Variants in TSPAN14 observed in about 807,000 individuals in gnomAD.
TSPAN14 encodes the protein tetraspanin 14.
Under a neutral mutation model 36.6 loss-of-function variants are expected in TSPAN14, and 16 were observed. The observed-to-expected ratio is 0.44, with a 90% CI of 0.30 to 0.66. The LOEUF (loss-of-function observed/expected upper bound fraction) is 0.66, where lower values mean the gene tolerates loss of function less well. TSPAN14 is among the 30% of genes least tolerant of loss of function. The pLI is 0.12. For missense variants in TSPAN14, 231 were observed against 355.1 expected (o/e 0.65, Z 2.81); for synonymous variants, 139 against 143.8 (o/e 0.97, Z 0.24).
intron 2 of TSPAN14, among the ~76,000 whole-genome samples, chr10:80,503,797 C>G (rs936180581): frequency 3.9e-5 from 6 of 152,046 alleles, no homozygotes; most frequent in African/African-American, 1.2e-4. Context: ...CACCGGTAGT[C>G]ATAGAGAAGC....
At chr10:80,497,686 G>C (rs1298240250) in intron 2 of TSPAN14, among the ~76,000 whole-genome samples, 1 of 152,196 alleles carries the variant, frequency 6.6e-6, no homozygotes, top group Non-Finnish European at 1.5e-5. Flanking sequence ...CCCTCCGCCT[G>C]CCTTCATTTC....
At chr10:80,487,235 C>T (rs1847658207) in intron 1 of TSPAN14, among the ~76,000 whole-genome samples, 1 of 151,924 alleles carries the variant, frequency 6.6e-6, no homozygotes, top group South Asian at 2.1e-4. Context: ...TGTAAGATCC[C>T]CAAGGGGACT....
intron 8 of TSPAN14, 109 bp downstream of exon 8, chr10:80,516,432 G>A: frequency 6.6e-7 from 1 of 1,505,090 alleles, no homozygotes; most frequent in Non-Finnish European, 9.0e-7. Flanking sequence ...AAGGAAGCTT[G>A]CAGAAGAAAA....
intron 1 of TSPAN14, among the ~76,000 whole-genome samples, chr10:80,482,449 G>A (rs966233960): frequency 6.6e-6 from 1 of 150,922 alleles, no homozygotes; most frequent in African/African-American, 2.5e-5. Flanking sequence ...ACCACGCCTG[G>A]CTAATTTTTT....
intron 5 of TSPAN14, among the ~76,000 whole-genome samples, chr10:80,511,371 T>TG (rs1198023524): frequency 6.6e-6 from 1 of 152,154 alleles, no homozygotes; most frequent in Non-Finnish European, 1.5e-5. Flanking sequence ...GGAATTCACT[T>TG]GCAAGTTTCT....
rs117412818 is a variant in TSPAN14 at position 80,464,307 on chromosome 10, G to A, written c.-18+9936G>A. On this transcript the variant is annotated intron_variant, in intron 1 of 8. Coordinates refer to ENST00000429989, the Ensembl canonical transcript of TSPAN14. ...TGGTTGCCACCCTGTGATTTTAAAA[G>A]CCTGTGTAAAAGGCACCTGGTGAAA... Among the ~76,000 whole-genome samples the A allele has an allele frequency of 2.6e-5, 4 of 152,342 alleles. No homozygotes were observed. In the East Asian group the frequency reaches 7.7e-4, roughly 29 times the overall value.
intron 1 of TSPAN14, among the ~76,000 whole-genome samples, chr10:80,480,287 C>T (rs1374817117): frequency 6.6e-6 from 1 of 151,966 alleles, no homozygotes; most frequent in Non-Finnish European, 1.5e-5. Flanking sequence ...CCCTTTATTT[C>T]CTTCTCCTGC....
At chr10:80,478,428 A>T (rs1054859369) in intron 1 of TSPAN14, among the ~76,000 whole-genome samples, 2 of 152,246 alleles carry the variant, frequency 1.3e-5, no homozygotes, top group Non-Finnish European at 2.9e-5. Context: ...ACAGAGAAGA[A>T]GGCAAGTGTC....
At position 80,509,724 on chromosome 10, in the gene TSPAN14, C is replaced by G. The variant is rs147450315; in HGVS notation, c.450+253C>G. On this transcript the variant is annotated intron_variant, in intron 5 of 8. Coordinates refer to ENST00000429989, the Ensembl canonical transcript of TSPAN14. The surrounding 1 kb of genome is among the most constrained non-coding windows in gnomAD (Gnocchi z 4.7). ...CAGCTGTACCCGAGGCCACCCACCC[C>G]CCACGTGCCCGGCCCTCCTCTTTCG... The G allele has an allele frequency of 3.6e-4, 175 of 485,042 alleles. No individual in the cohort carries two copies. The highest frequency in any genetic ancestry group is 1.2e-3 in the Admixed American group (32 of 26,488). The allele number at this position is 485,042 out of a possible 1,614,324, so 30.0% of individuals were successfully genotyped here. A position where few individuals can be genotyped will look rare whatever the true frequency, so the allele number is the denominator to read the frequency against.
At chr10:80,488,014 G>A (rs1847710923) in intron 1 of TSPAN14, among the ~76,000 whole-genome samples, 1 of 152,240 alleles carries the variant, frequency 6.6e-6, no homozygotes, top group Non-Finnish European at 1.5e-5. Flanking sequence ...GGTTTTGCAA[G>A]TAGCCACTCC....
intron 1 of TSPAN14, among the ~76,000 whole-genome samples, chr10:80,473,701 T>A (rs10607396): frequency 2.1e-5 from 3 of 142,652 alleles, no homozygotes; most frequent in South Asian, 2.3e-4. Flanking sequence ...TTTTTTTTTT[T>A]AAATTAAAGT....
chr10:80,497,308 G>C (rs1217103977), intron 2 of TSPAN14, among the ~76,000 whole-genome samples: 1 of 152,202 alleles, frequency 6.6e-6, no homozygotes, highest in African/African-American at 2.4e-5. Flanking sequence ...TTCCTCTCCA[G>C]GTCCAGATGG....
In TSPAN14 at chr10:80,511,711, C is replaced by CCTCTCTCTCT. The variant is rs56307745; in HGVS notation, c.451-381_451-372dup. Among the ~76,000 whole-genome samples the CCTCTCTCTCT allele has an allele frequency of 2.3e-4, 6 of 25,808 alleles. 1 individual carries two copies. The highest frequency in any genetic ancestry group is 3.2e-3 in the East Asian group (2 of 626). The allele number at this position is 25,808 out of a possible 152,430, so 16.9% of individuals were successfully genotyped here. A position where few individuals can be genotyped will look rare whatever the true frequency, so the allele number is the denominator to read the frequency against. ...TCTTTAACACATCAAAAGGGCAGGTCCTCTCTCTCTCTCTCTCTCTCTCTC... is the reference window on the plus strand; with the variant it reads ...TCTTTAACACATCAAAAGGGCAGGTCCTCTCTCTCTCTCTCTCTCTCTCTCTCTCTCTCTC... On this transcript the variant is annotated intron_variant, in intron 5 of 8. Coordinates refer to ENST00000429989, the Ensembl canonical transcript of TSPAN14.
intron 1 of TSPAN14, among the ~76,000 whole-genome samples, chr10:80,479,349 A>G (rs1420979042): frequency 1.3e-4 from 20 of 151,576 alleles, no homozygotes; most frequent in Non-Finnish European, 1.8e-4. Flanking sequence ...TTGGTGTTTT[A>G]GACATGAAGT....
intron 2 of TSPAN14, among the ~76,000 whole-genome samples, chr10:80,494,074 T>G (rs1848061795): frequency 6.6e-6 from 1 of 152,242 alleles, no homozygotes; most frequent in Non-Finnish European, 1.5e-5. Flanking sequence ...CTGAGACCCT[T>G]TCTAAATAGA....
chr10:80,504,572 G>A (rs971607396), intron 2 of TSPAN14, among the ~76,000 whole-genome samples, 156 bp from the exon 3 acceptor site: 2 of 152,218 alleles, frequency 1.3e-5, no homozygotes, highest in Non-Finnish European at 2.9e-5. Context: ...AGGAAGGTAG[G>A]TTCAGGTTAT....
At chr10:80,519,923 A>G (rs772679935) in exon 9 of TSPAN14, 1 of 151,288 alleles carries the variant, frequency 6.6e-6, no homozygotes, top group Non-Finnish European at 1.5e-5. Context: ...AGAAACTTCA[A>G]CTCCATAGGT....
intron 6 of TSPAN14, among the ~76,000 whole-genome samples, chr10:80,512,992 G>A (rs1313349229): frequency 5.3e-5 from 8 of 152,104 alleles, no homozygotes; most frequent in South Asian, 4.1e-4. Flanking sequence ...TTGCTTCCCC[G>A]GGCTCAAGCA....
chr10:80,502,840 G>C (rs1396464040), intron 2 of TSPAN14, among the ~76,000 whole-genome samples: 1 of 152,104 alleles, frequency 6.6e-6, no homozygotes. Context: ...TGAATTATGA[G>C]ATCATCGAGA....
Sources: allele counts gnomAD v4.1 joint callset (sites outside exome capture counted in the v4.1 genomes callset), GRCh38; gene constraint gnomAD v4.1.1; non-coding constraint Gnocchi (gnomAD v3.1); transcripts MANE v1.5; gene names NCBI Gene and HGNC (gene_info 2026-07-23, HGNC 2026-07-21).